Variants in GASK1B observed in about 807,000 individuals in gnomAD.
GASK1B encodes Golgi-associated kinase 1B.
In GASK1B, 34 loss-of-function variants were observed where a neutral mutation model predicts 42.8. That is an observed-to-expected ratio of 0.79 (90% confidence interval 0.60 to 1.06). The LOEUF is 1.06. Ranked by LOEUF, GASK1B falls within the 50% of genes least tolerant of loss-of-function variation. GASK1B has a pLI of 0.00. For missense variants in GASK1B, 686 were observed against 661.0 expected (o/e 1.04, Z -0.42); for synonymous variants, 262 against 259.1 (o/e 1.01, Z -0.11).
chr4:158,149,436 T>A (rs767688489), intron 3 of GASK1B, among the ~76,000 whole-genome samples: 5 of 152,182 alleles, frequency 3.3e-5, no homozygotes, highest in Non-Finnish European at 7.3e-5. Context: ...AGAATGAGAT[T>A]TAGTTGACAG....
rs558275202 is a variant in GASK1B, at chr4:158,125,929, C to T, written c.*1478G>A. On this transcript the variant is annotated 3_prime_UTR_variant, in exon 5 of 5. Coordinates refer to ENST00000585682, the MANE Select transcript of GASK1B (RefSeq NM_001128424.2). ...TTTTCAAATCTAGCCTCTATTGTAA[C>T]GTTGTTAGTAGTTCTCTTTCACACA... 6.6e-6 allele frequency: 1 copy of T among 151,522 alleles called. No homozygotes were observed. The highest frequency in any genetic ancestry group is 1.9e-4 in the East Asian group (1 of 5,150). The allele number at this position is 151,522 out of a possible 1,614,324, so 9.4% of individuals were successfully genotyped here.
At chr4:158,139,659 G>T (rs998395804) in intron 3 of GASK1B, among the ~76,000 whole-genome samples, 40 of 151,956 alleles carry the variant, frequency 2.6e-4, no homozygotes, top group African/African-American at 8.4e-4. Flanking sequence ...TTAAAGCCAA[G>T]AATTTAAAAA....
At chr4:158,149,751 GA>G (rs1343895447) in intron 3 of GASK1B, among the ~76,000 whole-genome samples, 1 of 151,878 alleles carries the variant, frequency 6.6e-6, no homozygotes, top group African/African-American at 2.4e-5. Context: ...TTAATCCAAG[GA>G]TAACTTGGTA....
chr4:158,168,067 C>A (rs893076650), intron 2 of GASK1B, among the ~76,000 whole-genome samples: 3 of 152,140 alleles, frequency 2.0e-5, no homozygotes, highest in South Asian at 2.1e-4. Context: ...TATATGAAAT[C>A]ATTTCATGAG....
rs200672839 is a variant in GASK1B, at chr4:158,171,055, C to T, written c.321G>A (p.Val107=). 22 of 1,613,186 alleles carry T rather than the reference C, an allele frequency of 1.4e-5. No homozygotes were observed. Among genetic ancestry groups the T allele is most frequent in the Non-Finnish European group, 1.9e-5 (22 of 1,179,382 alleles). The change falls in exon 2 of 5, where the codon GTG becomes GTA. Residue 107 remains valine (V), a synonymous_variant. Transcript: ENST00000585682. ...TGCGCTTGGAGCGTAGGGTAATGTA[C>T]ACCACATTGGGCTGCAGAGTGGACC... ...GNGSTLQPNV[V]YITLRSKRSK...
chr4:158,164,057 T>G (rs1208493901), intron 2 of GASK1B, among the ~76,000 whole-genome samples: 1 of 152,148 alleles, frequency 6.6e-6, no homozygotes, highest in Non-Finnish European at 1.5e-5. Flanking sequence ...TCCTTGAGCT[T>G]GGGAAGGTTC....
intron 2 of GASK1B, among the ~76,000 whole-genome samples, chr4:158,156,836 C>A (rs2110995275): frequency 6.6e-6 from 1 of 152,236 alleles, no homozygotes; most frequent in South Asian, 2.1e-4. Flanking sequence ...CACGTCTGAA[C>A]AACAGAGGCC....
rs765462131 is a variant in GASK1B at position 158,130,867 on chromosome 4, T to A, written c.1271A>T (p.His424Leu). ...HIIQRKHDPR[H>L]LVFIDNKGFF... is the part of the protein sequence containing the mutation. Reference sequence around the variant, plus strand: ...ACCCTTGTTGTCTATAAAAACCAAATGCCTTGGGTCATGCTTTCGCTGGAT... The same window carrying A: ...ACCCTTGTTGTCTATAAAAACCAAAAGCCTTGGGTCATGCTTTCGCTGGAT... The change falls in exon 4 of 5, where the codon CAT (histidine) becomes CTT (leucine). Residue 424 changes from histidine (H) to leucine (L), a missense_variant. His to Leu is a moderately conservative substitution (Grantham distance 99, BLOSUM62 -3). Transcript: ENST00000585682. 12 of 1,614,088 alleles carry A rather than the reference T, an allele frequency of 7.4e-6. No individual in the cohort carries two copies. The Middle Eastern group carries it at 1.8e-3, about 246-fold the overall frequency.
chr4:158,148,027 G>A (rs1470357844), intron 3 of GASK1B, among the ~76,000 whole-genome samples: 3 of 152,018 alleles, frequency 2.0e-5, no homozygotes, highest in African/African-American at 4.8e-5. Flanking sequence ...GACTGGGCAC[G>A]ATAATGAGAC....
At chr4:158,170,445 C>T (rs202013202) in intron 2 of GASK1B, 21 bp downstream of exon 2, 3 of 1,614,172 alleles carry the variant, frequency 1.9e-6, no homozygotes, top group Non-Finnish European at 2.5e-6. Flanking sequence ...CTGCAAATAA[C>T]GAAGCATGTG....
At position 158,155,653 on chromosome 4, in the gene GASK1B, A is replaced by G; in HGVS notation, c.1083T>C (p.His361=). Reference sequence around the variant, plus strand: ...AGAGTGCCATCTTGGACCACTCATGATGATGTATTTCAGTACAACCCGATT... The same window carrying G: ...AGAGTGCCATCTTGGACCACTCATGGTGATGTATTTCAGTACAACCCGATT... ...KPESGCTEIH[H]HEWSKMALFD... is the part of the protein sequence containing the mutation. The change falls in exon 3 of 5, where the codon CAT becomes CAC. Residue 361 remains histidine (H), a synonymous_variant. Coordinates refer to ENST00000585682, the MANE Select transcript of GASK1B (RefSeq NM_001128424.2). The G allele has an allele frequency of 6.2e-7, 1 of 1,613,832 alleles. No homozygotes were observed. The highest frequency in any genetic ancestry group is 2.2e-5 in the East Asian group (1 of 44,866).
At chr4:158,158,909 G>A (rs1312112979) in intron 2 of GASK1B, among the ~76,000 whole-genome samples, 1 of 151,950 alleles carries the variant, frequency 6.6e-6, no homozygotes, top group Non-Finnish European at 1.5e-5. Flanking sequence ...TGGGCAGTGG[G>A]CCATTTTTGG....
chr4:158,139,441 T>TA (rs1196622350), intron 3 of GASK1B, among the ~76,000 whole-genome samples: 1 of 152,202 alleles, frequency 6.6e-6, no homozygotes, highest in Non-Finnish European at 1.5e-5. Context: ...CTCAAAATCT[T>TA]AAAATCACAG....
At chr4:158,136,539 G>A (rs1416437246) in intron 3 of GASK1B, among the ~76,000 whole-genome samples, 1 of 152,148 alleles carries the variant, frequency 6.6e-6, no homozygotes, top group Non-Finnish European at 1.5e-5. Context: ...GCTAAAAACA[G>A]GGTAAAATGA....
At chr4:158,156,475 C>T (rs185417474) in intron 2 of GASK1B, among the ~76,000 whole-genome samples, 2 of 152,230 alleles carry the variant, frequency 1.3e-5, no homozygotes, top group Middle Eastern at 3.4e-3. Context: ...AAGCAAATGT[C>T]AGTTTTTCAA....
chr4:158,161,615 C>T (rs1468955482), intron 2 of GASK1B, among the ~76,000 whole-genome samples: 1 of 152,194 alleles, frequency 6.6e-6, no homozygotes, highest in Non-Finnish European at 1.5e-5. Context: ...TGAACTTCTG[C>T]TGTATAAATG....
chr4:158,170,164 C>T (rs758505182), intron 2 of GASK1B: 58 of 1,477,196 alleles, frequency 3.9e-5, no homozygotes, highest in Non-Finnish European at 5.0e-5. Context: ...TGCAAATTGC[C>T]GTTGGCTTTA....
intron 2 of GASK1B, among the ~76,000 whole-genome samples, chr4:158,157,107 T>G (rs573916484): frequency 6.6e-6 from 1 of 152,232 alleles, no homozygotes; most frequent in East Asian, 1.9e-4. Context: ...TATACTAACC[T>G]TAATAGTTTG....
At chr4:158,161,782 C>A (rs1478413412) in intron 2 of GASK1B, among the ~76,000 whole-genome samples, 1 of 152,130 alleles carries the variant, frequency 6.6e-6, no homozygotes, top group Non-Finnish European at 1.5e-5. Context: ...CAGTCCTGGG[C>A]GATTTAGCCT....
Sources: gnomAD v4.1 joint callset for allele counts (sites outside exome capture counted in the v4.1 genomes callset) on GRCh38, gnomAD v4.1.1 for gene constraint, MANE v1.5 for transcripts, NCBI Gene and HGNC (gene_info 2026-07-23, HGNC 2026-07-21) for gene names.